AGAP1: variants seen among roughly 807,000 people sequenced by gnomAD.
The protein encoded by AGAP1 is arf-GAP with GTPase, ANK repeat and PH domain-containing protein 1.
In AGAP1, 29 loss-of-function variants were observed where a neutral mutation model predicts 105.3. The ratio of observed to expected loss-of-function variants is 0.28; its 90% CI spans 0.21 to 0.38. The LOEUF is 0.38. Among genes scored for constraint, AGAP1 ranks in the 10% least tolerant of loss-of-function variants. The pLI is 1.00. For missense variants in AGAP1, 998 were observed against 1,165.1 expected, an observed-to-expected ratio of 0.86 and a Z score of 2.09; for synonymous variants, 509 against 485.9, an observed-to-expected ratio of 1.05 and a Z score of -0.63.
chr2:235,756,955 T>C (rs898420741), intron 6 of AGAP1, among the ~76,000 whole-genome samples: 3 of 151,970 alleles, frequency 2.0e-5, no homozygotes, highest in Admixed American at 6.6e-5. Flanking sequence ...TGCTGCTATA[T>C]AGAATTTAAT....
Position 235,860,977 on chromosome 2 carries a change from C to T in AGAP1, c.1051-22368C>T, listed in dbSNP as rs575678341. 3.5e-3 allele frequency among the ~76,000 whole-genome samples: 536 copies of T among 152,298 alleles called. 2 individuals are homozygous for T. The highest frequency in any genetic ancestry group is 0.011 in the South Asian group (51 of 4,824). On this transcript the variant is annotated intron_variant, in intron 9 of 17. Coordinates refer to ENST00000304032, the MANE Select transcript of AGAP1 (RefSeq NM_001037131.3). ...GGCTGTTCTCCCACTGCAGACACCCCTCCTCTTACCACCACAATATCTGAA... is the reference window on the plus strand; with the variant it reads ...GGCTGTTCTCCCACTGCAGACACCCTTCCTCTTACCACCACAATATCTGAA...
rs75084772 is a variant in AGAP1 at position 236,109,640 on chromosome 2, G to C, written c.2115-10552G>C. Among the ~76,000 whole-genome samples, 1,377 of 151,344 alleles carry C rather than the reference G, an allele frequency of 9.1e-3. 21 individuals are homozygous for C. Among genetic ancestry groups the C allele is most frequent in the African/African-American group, 0.032 (1,319 of 41,268 alleles). ...GTGTCGGTGTTCTAGACCGGCAGCCGTGGGAACGTCCTAGTCGGCGGCAGC... is the reference window on the plus strand; with the variant it reads ...GTGTCGGTGTTCTAGACCGGCAGCCCTGGGAACGTCCTAGTCGGCGGCAGC... On this transcript the variant is annotated intron_variant, in intron 16 of 17. Coordinates refer to ENST00000304032, the MANE Select transcript of AGAP1 (RefSeq NM_001037131.3). This position sits in a 1 kb window ranked among gnomAD's most constrained non-coding sequence, Gnocchi z 5.4.
rs984494338 is a variant in AGAP1 at position 236,046,120 on chromosome 2, G to A, written c.1892-2939G>A. 9 of 436,518 alleles carry A rather than the reference G, an allele frequency of 2.1e-5. No homozygotes were observed. Among genetic ancestry groups the A allele is most frequent in the African/African-American group, 1.4e-4 (7 of 49,336 alleles). 27.0% of individuals were successfully genotyped at this position (436,518 alleles called of 1,614,324 possible). On this transcript the variant is annotated intron_variant, in intron 15 of 17. Transcript: ENST00000304032. The surrounding 1 kb of genome is among the most constrained non-coding windows in gnomAD (Gnocchi z 5.2). Reference sequence around the variant, plus strand: ...CCACAGCGGCATGGAGGGCGGTGGGGTGGGCATAGGAACCAAATCGGAGGT... The same window carrying A: ...CCACAGCGGCATGGAGGGCGGTGGGATGGGCATAGGAACCAAATCGGAGGT...
At position 235,724,243 on chromosome 2, in the gene AGAP1, T is replaced by A. The variant is rs1356507385; in HGVS notation, c.310+6599T>A. ...GTGCCTAGGCCAACAGCCAGCGAGC[T>A]CCTGGCCGGGAGCCTGGTAATGGGG... On this transcript the variant is annotated intron_variant, in intron 3 of 17. Transcript: ENST00000304032. This position sits in a 1 kb window ranked among gnomAD's most constrained non-coding sequence, Gnocchi z 4.9. Among the ~76,000 whole-genome samples, 1 of 152,174 alleles carries A rather than the reference T, an allele frequency of 6.6e-6. No individual in the cohort carries two copies. The highest frequency in any genetic ancestry group is 1.5e-5 in the Non-Finnish European group (1 of 68,034).
intron 13 of AGAP1, among the ~76,000 whole-genome samples, chr2:236,010,746 G>A (rs544319797): frequency 6.6e-6 from 1 of 152,254 alleles, no homozygotes; most frequent in African/African-American, 2.4e-5. Flanking sequence ...TGTGTTTTCC[G>A]GAAAATTAAT....
At chr2:235,972,854 G>A (rs2054709545) in intron 13 of AGAP1, among the ~76,000 whole-genome samples, 1 of 152,228 alleles carries the variant, frequency 6.6e-6, no homozygotes, top group Admixed American at 6.5e-5. Context: ...CTAGAGGGCA[G>A]GGGTATGTGC....
chr2:235,942,966 G>A (rs558889612), intron 12 of AGAP1, among the ~76,000 whole-genome samples: 14 of 152,224 alleles, frequency 9.2e-5, no homozygotes, highest in Non-Finnish European at 1.3e-4. Flanking sequence ...AGTGGTGTGC[G>A]TCTATAGTCC....
In AGAP1 at chr2:235,963,427, G is replaced by A. The variant is rs912482221; in HGVS notation, c.1484-5035G>A. Reference sequence around the variant, plus strand: ...TGTGCACATAGAAAAGGAAACAGATGTATTTGAACAGAGGTAGTTTATTAA... The same window carrying A: ...TGTGCACATAGAAAAGGAAACAGATATATTTGAACAGAGGTAGTTTATTAA... On this transcript the variant is annotated intron_variant, in intron 12 of 17. Transcript: ENST00000304032. The surrounding 1 kb of genome is among the most constrained non-coding windows in gnomAD (Gnocchi z 5.1). Among the ~76,000 whole-genome samples the A allele has an allele frequency of 7.9e-5, 12 of 152,302 alleles. No homozygotes were observed. Among genetic ancestry groups the A allele is most frequent in the African/African-American group, 2.9e-4 (12 of 41,578 alleles).
chr2:235,896,888 TC>T (rs1405439741), intron 10 of AGAP1, among the ~76,000 whole-genome samples: 3 of 152,224 alleles, frequency 2.0e-5, no homozygotes, highest in Non-Finnish European at 4.4e-5. Context: ...TCTATTTCTG[TC>T]TATGTAATTC....
At chr2:235,828,489 T>G (rs12478435) in intron 9 of AGAP1, among the ~76,000 whole-genome samples, 1 of 151,982 alleles carries the variant, frequency 6.6e-6, no homozygotes, top group Non-Finnish European at 1.5e-5. Flanking sequence ...CTAACACTTA[T>G]GCATTGTATG....
chr2:235,554,238 G>A (rs897002548), intron 1 of AGAP1, among the ~76,000 whole-genome samples: 6 of 152,216 alleles, frequency 3.9e-5, no homozygotes, highest in Non-Finnish European at 5.9e-5. Flanking sequence ...CCTGCCTTAC[G>A]GTGCTCACGC....
Position 235,817,501 on chromosome 2 carries a change from G to A in AGAP1, c.1050+10170G>A, listed in dbSNP as rs184001265. 2.9e-3 allele frequency among the ~76,000 whole-genome samples: 441 copies of A among 152,072 alleles called. 2 individuals carry two copies. Among genetic ancestry groups the A allele is most frequent in the East Asian group, 0.02 (104 of 5,154 alleles). ...TTTTAACTGACTCACTGAAGGCCAT[G>A]TTTTGAAACCAAAACACTCTTTCCT... On this transcript the variant is annotated intron_variant, in intron 9 of 17. Coordinates refer to ENST00000304032, the MANE Select transcript of AGAP1 (RefSeq NM_001037131.3).
intron 1 of AGAP1, among the ~76,000 whole-genome samples, chr2:235,565,321 CTT>C (rs1456887522): frequency 6.6e-6 from 1 of 152,274 alleles, no homozygotes; most frequent in Non-Finnish European, 1.5e-5. Context: ...ACATGACACT[CTT>C]TGTCCCTTGT....
chr2:235,695,681 TCAGG>T (rs1270050855), intron 1 of AGAP1, among the ~76,000 whole-genome samples: 1 of 152,166 alleles, frequency 6.6e-6, no homozygotes, highest in Non-Finnish European at 1.5e-5. Flanking sequence ...TCTGAGCTGG[TCAGG>T]CAGAGGGCCG....
intron 1 of AGAP1, among the ~76,000 whole-genome samples, chr2:235,693,404 C>CA (rs1425600686): frequency 6.6e-6 from 1 of 152,176 alleles, no homozygotes; most frequent in Non-Finnish European, 1.5e-5. Context: ...CCACACCACT[C>CA]ACTTCTCTGC....
intron 16 of AGAP1, among the ~76,000 whole-genome samples, chr2:236,070,647 C>T (rs1010800299): frequency 3.9e-4 from 59 of 152,314 alleles, no homozygotes; most frequent in Middle Eastern, 3.4e-3. Context: ...TATACTACAA[C>T]GTAAATGCAC....
At chr2:235,730,477 T>TAAA (rs11388954) in intron 3 of AGAP1, among the ~76,000 whole-genome samples, 1,999 of 123,762 alleles carry the variant, frequency 0.016, 64 homozygotes, top group African/African-American at 0.056. Flanking sequence ...GTTTACCTTT[T>TAAA]AAAAAAAAAA....
rs141885515 is a variant in AGAP1, at chr2:235,774,153, C to T, written c.674-23606C>T. 43 of 379,996 alleles carry T rather than the reference C, an allele frequency of 1.1e-4. No individual in the cohort carries two copies. In the East Asian group the frequency reaches 2.8e-3, roughly 25 times the overall value. 23.5% of individuals were successfully genotyped at this position (379,996 alleles called of 1,614,324 possible). On this transcript the variant is annotated intron_variant, in intron 6 of 17. Transcript: ENST00000304032. Reference sequence around the variant, plus strand: ...TTGTAGAAGTCTTGAAAATTCAACTCATAAATAAATGCCCTTATTCTTGAT... The same window carrying T: ...TTGTAGAAGTCTTGAAAATTCAACTTATAAATAAATGCCCTTATTCTTGAT...
intron 1 of AGAP1, among the ~76,000 whole-genome samples, chr2:235,683,029 G>T (rs907229708): frequency 6.6e-6 from 1 of 152,118 alleles, no homozygotes; most frequent in Admixed American, 6.5e-5. Context: ...ACTGAGGGCC[G>T]GTGCGGTGGC....
Sources: gnomAD v4.1 joint callset for allele counts (sites outside exome capture counted in the v4.1 genomes callset) on GRCh38, gnomAD v4.1.1 for gene constraint, Gnocchi (gnomAD v3.1) non-coding constraint, MANE v1.5 for transcripts, NCBI Gene and HGNC (gene_info 2026-07-23, HGNC 2026-07-21) for gene names.